Variants in GOLGB1 observed in about 807,000 individuals in gnomAD.
GOLGB1 encodes golgin subfamily B member 1.
GOLGB1 carries 174 observed loss-of-function variants against 336.9 expected under a neutral mutation model. The observed-to-expected ratio is 0.52, with a 90% CI of 0.46 to 0.59. The LOEUF is 0.59. Ranked by LOEUF, GOLGB1 falls within the 20% of genes least tolerant of loss-of-function variation. The probability of loss-of-function intolerance (pLI) is 0.00; values close to 1 mark genes in which losing one functional copy is unlikely to be tolerated. For missense variants in GOLGB1, 3,331 were observed against 3,645.3 expected, an observed-to-expected ratio of 0.91 and a Z score of 2.22; for synonymous variants, 1,208 against 1,289.2, an observed-to-expected ratio of 0.94 and a Z score of 1.35.
intron 14 of GOLGB1, among the ~76,000 whole-genome samples, chr3:121,688,334 C>T (rs983560167): frequency 7.9e-5 from 12 of 152,202 alleles, no homozygotes; most frequent in Middle Eastern, 3.2e-3. Context: ...TGCAGGCGCG[C>T]GCCGCCACGC....
chr3:121,672,867 C>T (rs771522477), intron 17 of GOLGB1, among the ~76,000 whole-genome samples: 1 of 152,122 alleles, frequency 6.6e-6, no homozygotes, highest in Non-Finnish European at 1.5e-5. Context: ...TTTCCCAGCA[C>T]CATTTATTAG....
At chr3:121,681,971 C>T (rs1941122286) in intron 14 of GOLGB1, 106 bp from the exon 15 acceptor site, 1 of 711,910 alleles carries the variant, frequency 1.4e-6, no homozygotes. Flanking sequence ...AACATGAAAC[C>T]AGCACCTAAC....
At chr3:121,668,485 C>T (rs1938997218) in intron 18 of GOLGB1, 1 of 170,006 alleles carries the variant, frequency 5.9e-6, no homozygotes, top group Non-Finnish European at 1.3e-5. Context: ...CCAGCCTGGC[C>T]AAGATGGTGA....
At chr3:121,710,060 A>G (rs941848292) in intron 10 of GOLGB1, among the ~76,000 whole-genome samples, 8 of 135,396 alleles carry the variant, frequency 5.9e-5, no homozygotes, top group South Asian at 2.3e-4. Context: ...AAACCCCAGG[A>G]AAAAAAAAAA....
intron 1 of GOLGB1, among the ~76,000 whole-genome samples, chr3:121,747,183 TATATATATATGG>T (rs1264361621): frequency 5.4e-5 from 7 of 128,816 alleles, no homozygotes; most frequent in African/African-American, 1.8e-4. Flanking sequence ...TATATATATA[TATATATATATGG>T]ATGTTACATA....
chr3:121,688,758 T>C (rs1297545806), intron 14 of GOLGB1, among the ~76,000 whole-genome samples: 1 of 147,316 alleles, frequency 6.8e-6, no homozygotes. Context: ...TCTGCCCGGC[T>C]GCCCATCGTC....
At chr3:121,703,270 G>A (rs987540782) in intron 10 of GOLGB1, among the ~76,000 whole-genome samples, 10 of 152,080 alleles carry the variant, frequency 6.6e-5, no homozygotes, top group Admixed American at 1.3e-4. Context: ...ATTTGACCCC[G>A]AAATCTTCAT....
At chr3:121,722,519 T>C (rs752479833) in intron 5 of GOLGB1, 141 bp from the exon 6 acceptor site, 27 of 579,218 alleles carry the variant, frequency 4.7e-5, no homozygotes, top group East Asian at 1.1e-4. Context: ...CAAAAGGAAA[T>C]TGCATGCATT....
At chr3:121,721,626 C>T (rs1023755220) in intron 6 of GOLGB1, among the ~76,000 whole-genome samples, 1 of 151,922 alleles carries the variant, frequency 6.6e-6, no homozygotes, top group Non-Finnish European at 1.5e-5. Flanking sequence ...AGAGTGAGAC[C>T]CAATTTCAAA....
At chr3:121,719,458 G>A (rs1295541807) in intron 7 of GOLGB1, among the ~76,000 whole-genome samples, 188 bp downstream of exon 7, 2 of 152,202 alleles carry the variant, frequency 1.3e-5, no homozygotes, top group South Asian at 2.1e-4. Context: ...GATTAGAGGG[G>A]TAAAAGGCAA....
At chr3:121,680,955 T>G (rs967676481) in intron 15 of GOLGB1, among the ~76,000 whole-genome samples, 1 of 152,230 alleles carries the variant, frequency 6.6e-6, no homozygotes, top group Non-Finnish European at 1.5e-5. Flanking sequence ...ATTCACTTAT[T>G]GTATGAGCTA....
intron 1 of GOLGB1, among the ~76,000 whole-genome samples, chr3:121,747,369 G>GTA (rs112485604): frequency 7.6e-6 from 1 of 132,252 alleles, no homozygotes; most frequent in Non-Finnish European, 1.6e-5. Flanking sequence ...GTATATATAC[G>GTA]TATATGTCTA....
chr3:121,735,563 A>C (rs556136800), intron 1 of GOLGB1, among the ~76,000 whole-genome samples: 2 of 152,312 alleles, frequency 1.3e-5, no homozygotes, highest in South Asian at 4.1e-4. Flanking sequence ...TAAATGAGTA[A>C]GTAAATTGTA....
At chr3:121,717,185 A>C in intron 8 of GOLGB1, 46 bp from the exon 9 acceptor site, 1 of 1,458,698 alleles carries the variant, frequency 6.9e-7, no homozygotes. Context: ...ACATTATTTC[A>C]TTTCAACAAG....
Position 121,695,301 on chromosome 3 carries a change from T to G in GOLGB1, c.5222A>C (p.Glu1741Ala), listed in dbSNP as rs756225502. ...EELERVKMEY[E>A]TLSKKFQSLM... ...AGACTGAAACTTCTTAGAAAGGGTT[T>G]CATACTCCATTTTGACCCTTTCAAG... The change falls in exon 13 of 22, where the codon GAA becomes GCA. Residue 1741 changes from glutamate (E) to alanine (A), a missense_variant. Transcript: ENST00000614479. The G allele has an allele frequency of 3.1e-6, 5 of 1,614,058 alleles. No individual in the cohort carries two copies. The South Asian group carries it at 5.5e-5, about 18-fold the overall frequency.
intron 17 of GOLGB1, among the ~76,000 whole-genome samples, chr3:121,672,535 T>C (rs1267615807): frequency 1.3e-5 from 2 of 152,254 alleles, no homozygotes; most frequent in African/African-American, 4.8e-5. Flanking sequence ...TATTAATCCC[T>C]TGTTAGATGG....
chr3:121,707,238 A>C (rs1425885367), intron 10 of GOLGB1, among the ~76,000 whole-genome samples: 1 of 151,080 alleles, frequency 6.6e-6, no homozygotes, highest in African/African-American at 2.4e-5. Flanking sequence ...AAAAAAAAAA[A>C]AAAACAAAAA....
Position 121,693,770 on chromosome 3 carries a change from A to T in GOLGB1, c.6753T>A (p.His2251Gln), listed in dbSNP as rs1576342778. Residue 2251 changes from histidine (H) to glutamine (Q), a missense_variant, in exon 13 of 22, where the codon CAT becomes CAA. His to Gln is a conservative substitution (Grantham distance 24, BLOSUM62 0). Transcript: ENST00000614479. ...AAATGTTAATCTTTAATTCTTCCAT[A>T]TGGATGGACATCTGTCTAAGTTGAT... ...LKDQLRQMSI[H>Q]MEELKINISR... is the part of the protein sequence containing the mutation. The T allele has an allele frequency of 1.2e-6, 2 of 1,608,152 alleles. No homozygotes were observed. The highest frequency in any genetic ancestry group is 4.5e-5 in the East Asian group (2 of 44,774).
intron 1 of GOLGB1, among the ~76,000 whole-genome samples, chr3:121,741,450 A>G (rs1189236312): frequency 1.3e-5 from 2 of 152,210 alleles, no homozygotes; most frequent in Non-Finnish European, 2.9e-5. Context: ...AGTTTTCAAT[A>G]ATTAAAAGTG....
Sources: allele counts gnomAD v4.1 joint callset (sites outside exome capture counted in the v4.1 genomes callset), GRCh38; gene constraint gnomAD v4.1.1; transcripts MANE v1.5; gene names NCBI Gene and HGNC (gene_info 2026-07-23, HGNC 2026-07-21).